Variants in ARHGAP22 observed in about 807,000 individuals in gnomAD.
ARHGAP22 encodes rho GTPase-activating protein 22.
In ARHGAP22, 48 loss-of-function variants were observed where a neutral mutation model predicts 59.1. The observed-to-expected ratio is 0.81, with a 90% CI of 0.64 to 1.03. The LOEUF (loss-of-function observed/expected upper bound fraction) is 1.03, where lower values mean the gene tolerates loss of function less well. ARHGAP22 is among the 50% of genes least tolerant of loss of function. The pLI is 0.00. For missense variants in ARHGAP22, 1,015 were observed against 958.7 expected, an observed-to-expected ratio of 1.06 and a Z score of -0.78; for synonymous variants, 445 against 416.4, an observed-to-expected ratio of 1.07 and a Z score of -0.84.
the ARHGAP22 span, chr10:48,431,029 T>G: frequency 1.2e-4 from 78 of 641,404 alleles, 3 homozygotes; most frequent in South Asian, 1.4e-3. Context: ...GAATTGTTAT[T>G]AATTAACATC....
chr10:48,430,960 A>G, the ARHGAP22 span: 1 of 535,744 alleles, frequency 1.9e-6, no homozygotes, highest in East Asian at 3.4e-5. Flanking sequence ...CTTCAGAAAC[A>G]GTGAATTACA....
chr10:48,447,097 T>C (rs2045432743), intron 9 of ARHGAP22, among the ~76,000 whole-genome samples: 1 of 152,170 alleles, frequency 6.6e-6, no homozygotes, highest in Non-Finnish European at 1.5e-5. Flanking sequence ...GGGTAGTCAC[T>C]TCCCTTCCTG....
At position 48,450,900 on chromosome 10, in the gene ARHGAP22, G is replaced by A. The variant is rs1867586; in HGVS notation, c.1229C>T (p.Thr410Met). ...AVAVLSRTAP[T>M]GPGSRCSPGK... ...AGGGCTGCACCGGCTCCCCGGCCCC[G>A]TGGGGGCTGTTCTGGAGAGCACCGC... The change falls in exon 9 of 10, where the codon ACG (threonine) becomes ATG (methionine). Residue 410 changes from threonine (T) to methionine (M), a missense_variant. By Grantham distance (81) the Thr-to-Met change is moderately conservative. Transcript: ENST00000249601. The A allele has an allele frequency of 1.6e-5, 25 of 1,591,460 alleles. No homozygotes were observed. The African/African-American group carries it at 2.7e-4, about 17-fold the overall frequency.
chr10:48,455,256 G>T (rs2046378097), intron 5 of ARHGAP22, 122 bp from the exon 6 acceptor site: 2 of 1,205,530 alleles, frequency 1.7e-6, no homozygotes, highest in Admixed American at 2.7e-5. Context: ...GGCGCACTGG[G>T]GGCTGCATCT....
intron 3 of ARHGAP22, among the ~76,000 whole-genome samples, chr10:48,521,649 G>C (rs1246392353): frequency 2.0e-5 from 3 of 152,228 alleles, no homozygotes; most frequent in African/African-American, 4.8e-5. Flanking sequence ...CTAGGCTAGA[G>C]AGTCAGATAG....
intron 3 of ARHGAP22, among the ~76,000 whole-genome samples, chr10:48,547,233 C>T (rs147167298): frequency 9.8e-5 from 15 of 152,368 alleles, no homozygotes; most frequent in East Asian, 3.9e-4. Context: ...TCTGCATCCG[C>T]GTGTGGTGTG....
chr10:48,453,622 A>G (rs4838592), intron 7 of ARHGAP22, among the ~76,000 whole-genome samples, 197 bp from the exon 8 acceptor site: 129,038 of 152,214 alleles, frequency 0.85, 56,526 homozygotes, highest in East Asian at 0.97. Flanking sequence ...CAGAAGTAAA[A>G]GTCACTGGGA....
intron 3 of ARHGAP22, among the ~76,000 whole-genome samples, chr10:48,507,560 C>T (rs1304832227): frequency 2.0e-5 from 3 of 152,266 alleles, no homozygotes; most frequent in South Asian, 2.1e-4. Context: ...AAAAGTCAAC[C>T]GTGCAGGCAC....
At chr10:48,498,389 AG>A (rs1456100057) in intron 3 of ARHGAP22, among the ~76,000 whole-genome samples, 1 of 152,152 alleles carries the variant, frequency 6.6e-6, no homozygotes, top group Non-Finnish European at 1.5e-5. Context: ...CAGAGCCTCC[AG>A]GTGCTCCACA....
At chr10:48,451,457 G>A (rs775180040) in intron 8 of ARHGAP22, 11 of 702,598 alleles carry the variant, frequency 1.6e-5, no homozygotes, top group Admixed American at 1.4e-4. Flanking sequence ...CGGTGAGCAG[G>A]TGGCAGGTTG....
intron 1 of ARHGAP22, among the ~76,000 whole-genome samples, chr10:48,632,772 G>A (rs951871068): frequency 2.0e-5 from 3 of 152,172 alleles, no homozygotes; most frequent in Non-Finnish European, 2.9e-5. Context: ...GAGCTGTGCC[G>A]TCTTTAATAT....
intron 2 of ARHGAP22, among the ~76,000 whole-genome samples, chr10:48,581,681 C>T (rs1237685643): frequency 6.6e-6 from 1 of 152,202 alleles, no homozygotes; most frequent in Non-Finnish European, 1.5e-5. Context: ...ACAAAGTCTA[C>T]TATTTGAACC....
Position 48,450,615 on chromosome 10 carries a change from G to T in ARHGAP22, c.1514C>A (p.Pro505His). 1 of 1,548,622 alleles carries T rather than the reference G, an allele frequency of 6.5e-7. No individual in the cohort carries two copies. ...VPAPGLVPGI[P>H]SVASMAWSGA... ...GGACCACGCCATACTGGCCACGCTG[G>T]GTATGCCGGGGACCAGGCCCGGCGC... Residue 505 changes from proline to histidine, a missense_variant, in exon 9 of 10, where the codon CCC (proline) becomes CAC (histidine). Transcript: ENST00000249601.
At chr10:48,483,668 T>G (rs1462266591) in intron 3 of ARHGAP22, among the ~76,000 whole-genome samples, 1 of 152,208 alleles carries the variant, frequency 6.6e-6, no homozygotes, top group Non-Finnish European at 1.5e-5. Flanking sequence ...TTCATATACC[T>G]CTTCACCATT....
At chr10:48,490,174 C>T (rs1002642990) in intron 3 of ARHGAP22, among the ~76,000 whole-genome samples, 2 of 152,174 alleles carry the variant, frequency 1.3e-5, no homozygotes, top group African/African-American at 4.8e-5. Context: ...GGACCCACCT[C>T]ATCAGGAGAA....
chr10:48,603,878 C>T (rs562387869), intron 1 of ARHGAP22, among the ~76,000 whole-genome samples: 1 of 152,368 alleles, frequency 6.6e-6, no homozygotes, highest in Non-Finnish European at 1.5e-5. Flanking sequence ...GCTGCAAACA[C>T]CTGGTGAGAC....
At chr10:48,628,851 C>T (rs1404133444) in intron 1 of ARHGAP22, among the ~76,000 whole-genome samples, 1 of 152,128 alleles carries the variant, frequency 6.6e-6, no homozygotes, top group Non-Finnish European at 1.5e-5. Context: ...GCAAAGCTTG[C>T]CTTCCCATCC....
intron 1 of ARHGAP22, among the ~76,000 whole-genome samples, chr10:48,596,751 T>A (rs867798083): frequency 6.6e-6 from 1 of 152,234 alleles, no homozygotes; most frequent in East Asian, 1.9e-4. Context: ...GTCTCTCTCG[T>A]GGCTCCTTGG....
At chr10:48,594,004 G>C (rs1016473742) in intron 1 of ARHGAP22, among the ~76,000 whole-genome samples, 3 of 152,188 alleles carry the variant, frequency 2.0e-5, no homozygotes, top group Non-Finnish European at 4.4e-5. Context: ...ACAATTAAAA[G>C]TTTTAAATGA....
Sources: gnomAD v4.1 joint callset for allele counts (sites outside exome capture counted in the v4.1 genomes callset) on GRCh38, gnomAD v4.1.1 for gene constraint, MANE v1.5 for transcripts, NCBI Gene and HGNC (gene_info 2026-07-23, HGNC 2026-07-21) for gene names.